Variants in PAH observed in about 807,000 individuals in gnomAD.
The protein encoded by PAH is phenylalanine-4-hydroxylase.
Under a neutral mutation model 62.0 loss-of-function variants are expected in PAH, and 64 were observed. The ratio of observed to expected loss-of-function variants is 1.03; its 90% CI spans 0.84 to 1.27. The LOEUF is 1.27. Among genes scored for constraint, PAH ranks in the 50% most tolerant of loss-of-function variants. PAH has a pLI of 0.00. For synonymous variants in PAH, 195 were observed against 196.2 expected (o/e 0.99, Z 0.05); for missense variants, 579 against 542.8 (o/e 1.07, Z -0.66).
intron 7 of PAH, 32 bp from the exon 8 acceptor site, chr12:102,851,788 G>C (rs1395143035): frequency 6.3e-7 from 1 of 1,588,566 alleles, no homozygotes; most frequent in Non-Finnish European, 8.6e-7. Flanking sequence ...GAGCTCGGAG[G>C]GGAGGAGGTT....
chr12:102,848,930 C>T lies in PAH; in HGVS notation c.913-1979G>A, dbSNP rs111582989. ...GGAGACTGGAGAGGCTGAGTGTAGACGGGACACCAGGACACTGGAGAGGTT... is the reference window on the plus strand; with the variant it reads ...GGAGACTGGAGAGGCTGAGTGTAGATGGGACACCAGGACACTGGAGAGGTT... On this transcript the variant is annotated intron_variant, in intron 8 of 12. Transcript: ENST00000553106. Among the ~76,000 whole-genome samples, 923 of 151,460 alleles carry T rather than the reference C, an allele frequency of 6.1e-3. 6 individuals carry two copies. The highest frequency in any genetic ancestry group is 8.7e-3 in the Non-Finnish European group (589 of 67,818).
intron 3 of PAH, among the ~76,000 whole-genome samples, chr12:102,889,024 G>C (rs1265584210): frequency 6.6e-6 from 1 of 152,058 alleles, no homozygotes; most frequent in East Asian, 1.9e-4. Flanking sequence ...GGAAAGAAAA[G>C]TGCAGGTGGT....
intron 1 of PAH, among the ~76,000 whole-genome samples, chr12:102,942,126 A>C (rs1355227374): frequency 6.6e-6 from 1 of 152,164 alleles, no homozygotes; most frequent in Non-Finnish European, 1.5e-5. Context: ...AGGAAGTCAA[A>C]CTATCTCTCT....
intron 1 of PAH, among the ~76,000 whole-genome samples, chr12:102,940,131 C>A (rs1224497824): frequency 6.6e-6 from 1 of 152,218 alleles, no homozygotes; most frequent in Non-Finnish European, 1.5e-5. Context: ...CAAAGACAGA[C>A]CCTGCACAAA....
chr12:102,864,391 C>T (rs754317462), intron 5 of PAH, among the ~76,000 whole-genome samples: 7 of 152,124 alleles, frequency 4.6e-5, no homozygotes, highest in Non-Finnish European at 8.8e-5. Context: ...ACCGCAGTAT[C>T]CCCTTTATGC....
chr12:102,870,474 G>A (rs1876259746), intron 4 of PAH, among the ~76,000 whole-genome samples: 1 of 152,140 alleles, frequency 6.6e-6, no homozygotes, highest in African/African-American at 2.4e-5. Context: ...AGCACATTAA[G>A]CAAAATTCTG....
At position 102,912,834 on chromosome 12, in the gene PAH, T is replaced by C. The variant is rs62635346; in HGVS notation, c.125A>G (p.Lys42Arg). 9.9e-6 allele frequency: 16 copies of C among 1,613,578 alleles called. No individual in the cohort carries two copies. The highest frequency in any genetic ancestry group is 1.0e-5 in the Non-Finnish European group (12 of 1,179,656). ...TTTGGCCAATGCACCAACTTCTTCTTTGAGTGAGAAGATCAGTGATATGGC... is the reference window on the plus strand; with the variant it reads ...TTTGGCCAATGCACCAACTTCTTCTCTGAGTGAGAAGATCAGTGATATGGC... The part of the protein sequence containing the change: ...NGAISLIFSL[K>R]EEVGALAKVL... The change falls in exon 2 of 13, where the codon AAA (lysine) becomes AGA (arginine). Residue 42 changes from lysine to arginine, a missense_variant. By Grantham distance (26) the Lys-to-Arg change is conservative. Coordinates refer to ENST00000553106, the MANE Select transcript of PAH (RefSeq NM_000277.3).
At chr12:102,905,597 C>G (rs886125843) in intron 2 of PAH, among the ~76,000 whole-genome samples, 4 of 152,104 alleles carry the variant, frequency 2.6e-5, no homozygotes, top group Non-Finnish European at 4.4e-5. Context: ...GTCCTACCAC[C>G]TTGTCTACCT....
rs567806171 is a variant in PAH at position 102,888,948 on chromosome 12, G to A, written c.352+5787C>T. Among the ~76,000 whole-genome samples the A allele has an allele frequency of 2.6e-5, 4 of 152,156 alleles. No individual in the cohort carries two copies. The South Asian group carries it at 8.3e-4, about 32-fold the overall frequency. ...CACAAAGTGAAATGCACGGGAGAAG[G>A]TTTAGAACTGAGAAGAGGGCAATGG... On this transcript the variant is annotated intron_variant, in intron 3 of 12. Coordinates refer to ENST00000553106, the MANE Select transcript of PAH (RefSeq NM_000277.3).
chr12:102,898,824 AACTTTGATTATTATT>A (rs1486013178), intron 2 of PAH, among the ~76,000 whole-genome samples: 1 of 152,200 alleles, frequency 6.6e-6, no homozygotes. Flanking sequence ...CACAAATATC[AACTTTGATTATTATT>A]ACTACCATTA....
intron 5 of PAH, among the ~76,000 whole-genome samples, chr12:102,864,647 C>T (rs1875868562): frequency 6.6e-6 from 1 of 152,064 alleles, no homozygotes; most frequent in Non-Finnish European, 1.5e-5. Context: ...AGAGTGTTGC[C>T]TTCTTTGACC....
chr12:102,897,269 A>T (rs1274996017), intron 2 of PAH, among the ~76,000 whole-genome samples: 3 of 151,116 alleles, frequency 2.0e-5, no homozygotes, highest in Non-Finnish European at 4.4e-5. Flanking sequence ...GACAGATGAA[A>T]ACAGCAAATA....
At chr12:102,850,704 C>A (rs1006929820) in intron 8 of PAH, among the ~76,000 whole-genome samples, 7 of 152,144 alleles carry the variant, frequency 4.6e-5, no homozygotes, top group African/African-American at 1.7e-4. Flanking sequence ...CACCATTCAA[C>A]CTTCTCATGA....
chr12:102,891,775 G>A (rs1419255614), intron 3 of PAH, among the ~76,000 whole-genome samples: 1 of 152,108 alleles, frequency 6.6e-6, no homozygotes, highest in Non-Finnish European at 1.5e-5. Flanking sequence ...TGAGCCTCCA[G>A]TTCAGGCTGC....
chr12:102,907,295 G>C (rs913250516), intron 2 of PAH, among the ~76,000 whole-genome samples: 3 of 152,290 alleles, frequency 2.0e-5, no homozygotes, highest in African/African-American at 7.2e-5. Context: ...AAACTCCAGA[G>C]TGATTCAGAT....
intron 3 of PAH, among the ~76,000 whole-genome samples, chr12:102,884,498 C>T (rs139610140): frequency 2.0e-5 from 3 of 152,226 alleles, no homozygotes; most frequent in Non-Finnish European, 2.9e-5. Flanking sequence ...TTCCCACCCA[C>T]ACAACATGGA....
chr12:102,839,563 A>G lies in PAH; in HGVS notation c.1316-345T>C, dbSNP rs561267652. Among the ~76,000 whole-genome samples the G allele has an allele frequency of 2.0e-5, 3 of 152,378 alleles. No individual in the cohort carries two copies. The South Asian group carries it at 6.2e-4, about 32-fold the overall frequency. On this transcript the variant is annotated intron_variant, in intron 12 of 12. Transcript: ENST00000553106. ...ATCATTGAACCTAATAGTATGGTTC[A>G]CACAAAACTCTAGTGTCAGAATCAC...
At chr12:102,882,672 A>ATATC (rs1876869450) in intron 3 of PAH, among the ~76,000 whole-genome samples, 1 of 34,880 alleles carries the variant, frequency 2.9e-5, no homozygotes, top group Non-Finnish European at 4.6e-5. Flanking sequence ...ATATATATAT[A>ATATC]TATAAAATTT....
At chr12:102,952,605 GA>G (rs149415137), upstream of PAH, among the ~76,000 whole-genome samples, 1,661 of 152,090 alleles carry the variant, frequency 0.011, 38 homozygotes, top group African/African-American at 0.039. Flanking sequence ...TGGGGCTTTA[GA>G]AAAAAATAAA....
Sources: gnomAD v4.1 joint callset for allele counts (sites outside exome capture counted in the v4.1 genomes callset) on GRCh38, gnomAD v4.1.1 for gene constraint, MANE v1.5 for transcripts, NCBI Gene and HGNC (gene_info 2026-07-23, HGNC 2026-07-21) for gene names.